Variants in GPHN observed in about 807,000 individuals in gnomAD.
GPHN encodes the protein gephyrin.
GPHN carries 17 observed loss-of-function variants against 95.5 expected under a neutral mutation model. The ratio of observed to expected loss-of-function variants is 0.18; its 90% CI spans 0.12 to 0.27. The LOEUF (loss-of-function observed/expected upper bound fraction) is 0.27, where lower values mean the gene tolerates loss of function less well. GPHN is among the 10% of genes least tolerant of loss of function. The pLI is 1.00. For missense variants in GPHN, 660 were observed against 978.1 expected, an observed-to-expected ratio of 0.67 and a Z score of 4.34; for synonymous variants, 320 against 322.5, an observed-to-expected ratio of 0.99 and a Z score of 0.08.
chr14:66,792,175 G>A (rs1201868071), intron 3 of GPHN, among the ~76,000 whole-genome samples: 1 of 152,080 alleles, frequency 6.6e-6, no homozygotes, highest in African/African-American at 2.4e-5. Context: ...CTATCAGTAA[G>A]AATGTCGTAA....
At chr14:67,711,377 T>A in the GPHN span, among the ~76,000 whole-genome samples, 1 of 152,220 alleles carries the variant, frequency 6.6e-6, no homozygotes, top group Non-Finnish European at 1.5e-5. Flanking sequence ...TGCTGGCAAT[T>A]CTTAAGACAT....
At chr14:67,501,203 C>T in the GPHN span, among the ~76,000 whole-genome samples, 1 of 151,972 alleles carries the variant, frequency 6.6e-6, no homozygotes, top group African/African-American at 2.4e-5. Context: ...GCCCTGAGGA[C>T]ACATCAGTTC....
the GPHN span, among the ~76,000 whole-genome samples, chr14:67,706,862 T>A: frequency 2.0e-5 from 3 of 152,200 alleles, no homozygotes; most frequent in East Asian, 5.8e-4. Flanking sequence ...GATGGTTCGT[T>A]CCTAGACAGG....
At chr14:67,053,233 G>A (rs1473182690) in intron 10 of GPHN, among the ~76,000 whole-genome samples, 4 of 134,314 alleles carry the variant, frequency 3.0e-5, no homozygotes, top group Admixed American at 7.6e-5. Flanking sequence ...AGACTAATAA[G>A]GAAAGAGAGA....
At chr14:67,470,310 A>G in the GPHN span, 1 of 152,292 alleles carries the variant, frequency 6.6e-6, no homozygotes, top group South Asian at 2.1e-4. Flanking sequence ...ACAAATGTGA[A>G]AAGGAAGAGA....
intron 3 of GPHN, among the ~76,000 whole-genome samples, chr14:66,813,740 A>G (rs2060850888): frequency 6.6e-6 from 1 of 152,094 alleles, no homozygotes; most frequent in Non-Finnish European, 1.5e-5. Context: ...GTCCTAGGAG[A>G]ACTGTTGGAC....
the GPHN span, among the ~76,000 whole-genome samples, chr14:67,529,516 A>G: frequency 6.6e-6 from 1 of 152,210 alleles, no homozygotes; most frequent in African/African-American, 2.4e-5. Flanking sequence ...AAGTTAGGAC[A>G]CTTCCTCCCA....
chr14:66,885,825 C>A (rs2064159621), intron 5 of GPHN, among the ~76,000 whole-genome samples: 1 of 140,388 alleles, frequency 7.1e-6, no homozygotes, highest in Admixed American at 7.2e-5. Context: ...ACACAGAACA[C>A]TTTATAACAA....
At chr14:66,832,708 GC>G (rs1368396276) in intron 4 of GPHN, among the ~76,000 whole-genome samples, 1 of 151,938 alleles carries the variant, frequency 6.6e-6, no homozygotes, top group African/African-American at 2.4e-5. Flanking sequence ...CAAACCTAAA[GC>G]TAAAGTACAT....
chr14:66,932,456 T>TTG (rs1339594354), intron 8 of GPHN, among the ~76,000 whole-genome samples: 3 of 124,128 alleles, frequency 2.4e-5, no homozygotes, highest in African/African-American at 9.3e-5. Context: ...TTTTTTTTTT[T>TTG]TTTTTTTTTT....
chr14:66,587,994 G>C (rs895384490), intron 1 of GPHN, among the ~76,000 whole-genome samples: 2 of 152,142 alleles, frequency 1.3e-5, no homozygotes, highest in African/African-American at 4.8e-5. Context: ...AGAGCTCCGG[G>C]TGGCATCTGC....
chr14:67,086,378 G>A (rs540685060), intron 11 of GPHN, among the ~76,000 whole-genome samples: 85 of 152,330 alleles, frequency 5.6e-4, no homozygotes, highest in African/African-American at 1.9e-3. Flanking sequence ...CTGGTCGGGC[G>A]CGGTGGCTCA....
chr14:67,244,214 A>G, the GPHN span, among the ~76,000 whole-genome samples: 9 of 152,186 alleles, frequency 5.9e-5, no homozygotes, highest in Non-Finnish European at 1.0e-4. Flanking sequence ...ATCTTTGTGT[A>G]TGTCTCCTTG....
intron 9 of GPHN, among the ~76,000 whole-genome samples, chr14:66,971,886 A>G (rs2069811195): frequency 6.6e-6 from 1 of 152,168 alleles, no homozygotes; most frequent in South Asian, 2.1e-4. Flanking sequence ...ATAATCACCA[A>G]GCTCATCTAA....
chr14:66,691,454 A>T (rs572009671), intron 2 of GPHN, among the ~76,000 whole-genome samples: 1 of 152,108 alleles, frequency 6.6e-6, no homozygotes, highest in South Asian at 2.1e-4. Context: ...AAGTGCTGGG[A>T]TTACAGGTGT....
At chr14:66,589,723 A>C (rs2061562174) in intron 1 of GPHN, among the ~76,000 whole-genome samples, 1 of 152,118 alleles carries the variant, frequency 6.6e-6, no homozygotes, top group African/African-American at 2.4e-5. Context: ...CTCCCACACA[A>C]TAATAGTGGG....
the GPHN span, chr14:67,204,787 G>T: frequency 6.2e-7 from 1 of 1,613,946 alleles, no homozygotes; most frequent in Non-Finnish European, 8.5e-7. Flanking sequence ...AGGCTCCATG[G>T]ATGTGACGGA....
In GPHN at chr14:66,922,545, T is replaced by G. The variant is rs541706472; in HGVS notation, c.457-121T>G. 66 of 719,508 alleles carry G rather than the reference T, an allele frequency of 9.2e-5. No individual in the cohort carries two copies. The South Asian group carries it at 1.0e-3, about 11-fold the overall frequency. 44.6% of individuals were successfully genotyped at this position (719,508 alleles called of 1,614,324 possible). On this transcript the variant is annotated intron_variant, in intron 6 of 22. Coordinates refer to ENST00000478722, the MANE Select transcript of GPHN (RefSeq NM_020806.5). Reference sequence around the variant, plus strand: ...GCTAAGACAATGTTTTACATATGATTGATTCTGAGATTGATGGAGGAAAAT... The same window carrying G: ...GCTAAGACAATGTTTTACATATGATGGATTCTGAGATTGATGGAGGAAAAT...
At chr14:67,566,438 T>C in the GPHN span, among the ~76,000 whole-genome samples, 5 of 152,096 alleles carry the variant, frequency 3.3e-5, no homozygotes, top group Admixed American at 3.3e-4. Context: ...AGCCATTCAC[T>C]GTGATAGCTT....
Sources: allele counts gnomAD v4.1 joint callset (sites outside exome capture counted in the v4.1 genomes callset), GRCh38; gene constraint gnomAD v4.1.1; transcripts MANE v1.5; gene names NCBI Gene and HGNC (gene_info 2026-07-23, HGNC 2026-07-21).